PCDH9: variants seen among roughly 807,000 people sequenced by gnomAD.
PCDH9 encodes protocadherin 9.
PCDH9 carries 24 observed loss-of-function variants against 70.6 expected under a neutral mutation model. The ratio of observed to expected loss-of-function variants is 0.34; its 90% CI spans 0.25 to 0.48. The LOEUF is 0.48. Among genes scored for constraint, PCDH9 ranks in the 20% least tolerant of loss-of-function variants. The pLI, the probability that PCDH9 is intolerant of heterozygous loss-of-function variation, is 0.99. For missense variants in PCDH9, 1,281 were observed against 1,503.6 expected (o/e 0.85, Z 2.45); for synonymous variants, 562 against 558.5 (o/e 1.01, Z -0.09).
chr13:66,511,838 C>T (rs1959488302), intron 4 of PCDH9, among the ~76,000 whole-genome samples: 1 of 152,048 alleles, frequency 6.6e-6, no homozygotes, highest in African/African-American at 2.4e-5. Context: ...CCTGAGGCCG[C>T]CCCAAAAGCA....
chr13:67,060,135 A>G (rs1403181822), intron 2 of PCDH9, among the ~76,000 whole-genome samples: 1 of 152,066 alleles, frequency 6.6e-6, no homozygotes, highest in Non-Finnish European at 1.5e-5. Context: ...AGGAAGGCAA[A>G]TAACACATTG....
At chr13:66,388,986 C>G (rs929785083) in intron 4 of PCDH9, among the ~76,000 whole-genome samples, 2 of 152,078 alleles carry the variant, frequency 1.3e-5, no homozygotes, top group Non-Finnish European at 2.9e-5. Flanking sequence ...TATTATGCAA[C>G]ATTTTATTTT....
intron 4 of PCDH9, among the ~76,000 whole-genome samples, chr13:66,509,731 T>A (rs1959372906): frequency 6.6e-6 from 1 of 152,034 alleles, no homozygotes; most frequent in Admixed American, 6.6e-5. Context: ...GGGACTGCAA[T>A]CATGAGCCAC....
Position 67,052,853 on chromosome 13 carries a change from A to C in PCDH9, c.3037-149248T>G, listed in dbSNP as rs567641416. ...GAGGAGGTGGTTAATGCTATCTACTAAGATAAGCTACACAGGCAGAGCAGT... is the reference window on the plus strand; with the variant it reads ...GAGGAGGTGGTTAATGCTATCTACTCAGATAAGCTACACAGGCAGAGCAGT... On this transcript the variant is annotated intron_variant, in intron 2 of 4. Coordinates refer to ENST00000377865, the MANE Select transcript of PCDH9 (RefSeq NM_203487.3). Among the ~76,000 whole-genome samples the C allele has an allele frequency of 1.2e-4, 18 of 152,282 alleles. No homozygotes were observed. In the South Asian group the frequency reaches 3.7e-3, roughly 32 times the overall value.
At chr13:66,342,229 T>G (rs1004775988) in intron 4 of PCDH9, among the ~76,000 whole-genome samples, 2 of 152,232 alleles carry the variant, frequency 1.3e-5, no homozygotes, top group Non-Finnish European at 2.9e-5. Context: ...TGTTTCAATG[T>G]TAAAAGAAAT....
chr13:66,423,445 C>A (rs1055513964), intron 4 of PCDH9, among the ~76,000 whole-genome samples: 3 of 151,780 alleles, frequency 2.0e-5, no homozygotes, highest in African/African-American at 7.3e-5. Context: ...TACTGGCAAA[C>A]CGAATCCAGC....
At chr13:66,818,981 G>A (rs1035865647) in intron 3 of PCDH9, among the ~76,000 whole-genome samples, 1 of 151,944 alleles carries the variant, frequency 6.6e-6, no homozygotes, top group Middle Eastern at 3.4e-3. Flanking sequence ...AAGGTGTGAT[G>A]ATTTATTTCA....
chr13:66,951,651 C>T (rs1468721383), intron 2 of PCDH9, among the ~76,000 whole-genome samples: 1 of 152,136 alleles, frequency 6.6e-6, no homozygotes, highest in Non-Finnish European at 1.5e-5. Context: ...AGTCACTATC[C>T]ATTGTGATGC....
At chr13:66,464,264 G>A (rs1388793573) in intron 4 of PCDH9, among the ~76,000 whole-genome samples, 1 of 151,510 alleles carries the variant, frequency 6.6e-6, no homozygotes, top group Non-Finnish European at 1.5e-5. Context: ...CAGCTTCGTG[G>A]TGTGATCAAT....
In PCDH9 at chr13:66,411,503, G is replaced by T. The variant is rs141436342; in HGVS notation, c.3341-106475C>A. 1.5e-3 allele frequency among the ~76,000 whole-genome samples: 229 copies of T among 152,070 alleles called. 2 individuals carry two copies. The highest frequency in any genetic ancestry group is 6.8e-3 in the Middle Eastern group (2 of 294). On this transcript the variant is annotated intron_variant, in intron 4 of 4. Coordinates refer to ENST00000377865, the MANE Select transcript of PCDH9 (RefSeq NM_203487.3). The stretch of plus-strand genomic sequence containing the variant: ...GGGTCTCACAATATTTCCCAGCCTG[G>T]TCTTAAACTCTTGGGACTCAGTGAT...
intron 4 of PCDH9, among the ~76,000 whole-genome samples, chr13:66,307,969 T>C (rs1042259658): frequency 6.6e-6 from 1 of 152,104 alleles, no homozygotes; most frequent in Non-Finnish European, 1.5e-5. Flanking sequence ...ACTGAGAATG[T>C]ACTATGTGCT....
chr13:67,092,943 C>T (rs1402216361), intron 2 of PCDH9, among the ~76,000 whole-genome samples: 1 of 151,040 alleles, frequency 6.6e-6, no homozygotes, highest in East Asian at 1.9e-4. Flanking sequence ...ACCACTAGGC[C>T]ACAATGTAAA....
At chr13:66,710,174 A>G (rs1369050964) in intron 3 of PCDH9, among the ~76,000 whole-genome samples, 1 of 152,126 alleles carries the variant, frequency 6.6e-6, no homozygotes, top group African/African-American at 2.4e-5. Flanking sequence ...TACAACTAGA[A>G]CTAGAATAAG....
At chr13:66,600,619 G>T (rs2077153649) in intron 4 of PCDH9, among the ~76,000 whole-genome samples, 1 of 151,646 alleles carries the variant, frequency 6.6e-6, no homozygotes, top group African/African-American at 2.4e-5. Context: ...GTATTATATT[G>T]TCATATCTGT....
chr13:66,319,109 C>A (rs1955705458), intron 4 of PCDH9, among the ~76,000 whole-genome samples: 1 of 151,996 alleles, frequency 6.6e-6, no homozygotes, highest in African/African-American at 2.4e-5. Flanking sequence ...TGGTGGAAGG[C>A]AAGGGGAATC....
intron 2 of PCDH9, among the ~76,000 whole-genome samples, chr13:67,063,558 A>T: frequency 6.6e-6 from 1 of 151,362 alleles, no homozygotes; most frequent in East Asian, 1.9e-4. Context: ...CCACATTCTG[A>T]TTCTGATAAT....
chr13:66,814,341 G>T (rs1445914387), intron 3 of PCDH9, among the ~76,000 whole-genome samples: 3 of 151,982 alleles, frequency 2.0e-5, no homozygotes, highest in African/African-American at 7.2e-5. Context: ...TTCTTTAGCA[G>T]AAATTTATTA....
At chr13:66,422,226 C>G (rs938192539) in intron 4 of PCDH9, among the ~76,000 whole-genome samples, 2 of 152,140 alleles carry the variant, frequency 1.3e-5, no homozygotes, top group African/African-American at 4.8e-5. Context: ...TTTAACACCC[C>G]ACTGTCAATA....
chr13:66,315,709 G>A (rs1489601593), intron 4 of PCDH9, among the ~76,000 whole-genome samples: 2 of 152,134 alleles, frequency 1.3e-5, no homozygotes, highest in Non-Finnish European at 1.5e-5. Flanking sequence ...TCGAACTCCC[G>A]ACCTCAGGTG....
Sources: allele counts gnomAD v4.1 joint callset (sites outside exome capture counted in the v4.1 genomes callset), GRCh38; gene constraint gnomAD v4.1.1; transcripts MANE v1.5; gene names NCBI Gene and HGNC (gene_info 2026-07-23, HGNC 2026-07-21).